RAD51B: variants seen among roughly 807,000 people sequenced by gnomAD.
RAD51B encodes the protein RAD51 paralog B.
In RAD51B, 38 loss-of-function variants were observed where a neutral mutation model predicts 42.2. That is an observed-to-expected ratio of 0.90 (90% CI 0.70 to 1.18). The LOEUF is 1.18. Among genes scored for constraint, RAD51B ranks in the 50% most tolerant of loss-of-function variants. RAD51B has a pLI of 0.00. For missense variants in RAD51B, 373 were observed against 400.7 expected, an observed-to-expected ratio of 0.93 and a Z score of 0.59; for synonymous variants, 154 against 145.2, an observed-to-expected ratio of 1.06 and a Z score of -0.43.
chr14:68,056,181 C>T (rs1021842810), intron 7 of RAD51B, among the ~76,000 whole-genome samples: 1 of 152,076 alleles, frequency 6.6e-6, no homozygotes, highest in Non-Finnish European at 1.5e-5. Context: ...GTTTTTGAGA[C>T]AGGGTCTCGC....
At chr14:68,067,599 A>G (rs1334359799) in intron 7 of RAD51B, among the ~76,000 whole-genome samples, 3 of 152,180 alleles carry the variant, frequency 2.0e-5, no homozygotes, top group Non-Finnish European at 2.9e-5. Flanking sequence ...CAAAGAAGGC[A>G]TGATCCTTGT....
intron 7 of RAD51B, among the ~76,000 whole-genome samples, chr14:68,023,202 CT>C (rs925879600): frequency 6.6e-6 from 1 of 152,196 alleles, no homozygotes; most frequent in African/African-American, 2.4e-5. Context: ...CAATTGACAG[CT>C]CTGTTGCAGG....
chr14:68,150,233 C>T (rs1021384195), intron 7 of RAD51B, among the ~76,000 whole-genome samples: 11 of 152,198 alleles, frequency 7.2e-5, no homozygotes, highest in South Asian at 2.1e-4. Context: ...CATCAGCCAC[C>T]GTGCCCAGCC....
chr14:67,948,692 G>A (rs2074381000), intron 7 of RAD51B, among the ~76,000 whole-genome samples: 1 of 151,962 alleles, frequency 6.6e-6, no homozygotes, highest in South Asian at 2.1e-4. Context: ...AGCACTTTGG[G>A]AGGCTGAGGC....
intron 7 of RAD51B, among the ~76,000 whole-genome samples, chr14:67,948,206 C>G (rs1244226905): frequency 6.6e-6 from 1 of 152,178 alleles, no homozygotes; most frequent in Non-Finnish European, 1.5e-5. Context: ...TTAAGATGGA[C>G]TCTCCTAAGA....
At chr14:68,225,877 C>T (rs933898071) in intron 7 of RAD51B, among the ~76,000 whole-genome samples, 2 of 152,196 alleles carry the variant, frequency 1.3e-5, no homozygotes, top group African/African-American at 4.8e-5. Context: ...TATCTACTAA[C>T]AAGCAAAATT....
At chr14:68,039,671 G>A (rs2140392094) in intron 7 of RAD51B, among the ~76,000 whole-genome samples, 1 of 152,296 alleles carries the variant, frequency 6.6e-6, no homozygotes. Flanking sequence ...AGAATGAGAT[G>A]TTGCTTCAAG....
intron 10 of RAD51B, among the ~76,000 whole-genome samples, chr14:68,473,410 T>C (rs1182185724): frequency 6.6e-6 from 1 of 152,202 alleles, no homozygotes; most frequent in Non-Finnish European, 1.5e-5. Flanking sequence ...CCTCTTAGTG[T>C]GGGACCTCCC....
At chr14:68,634,334 G>C (rs1435382722) in intron 10 of RAD51B, among the ~76,000 whole-genome samples, 1 of 152,126 alleles carries the variant, frequency 6.6e-6, no homozygotes, top group Admixed American at 6.5e-5. Flanking sequence ...CCTCTGCTTA[G>C]AGCATCCATT....
At chr14:68,546,866 T>C (rs896541117) in intron 10 of RAD51B, among the ~76,000 whole-genome samples, 2 of 152,130 alleles carry the variant, frequency 1.3e-5, no homozygotes, top group Admixed American at 6.5e-5. Context: ...GTTCTTACCA[T>C]GTTAATGTTA....
chr14:68,029,563 G>C (rs1466260734), intron 7 of RAD51B, among the ~76,000 whole-genome samples: 1 of 152,122 alleles, frequency 6.6e-6, no homozygotes, highest in Admixed American at 6.5e-5. Flanking sequence ...GTATCTTCAG[G>C]CTCTACTTCT....
intron 7 of RAD51B, among the ~76,000 whole-genome samples, chr14:68,223,464 A>T (rs1267656780): frequency 1.3e-5 from 2 of 152,252 alleles, no homozygotes; most frequent in Non-Finnish European, 2.9e-5. Flanking sequence ...AAGTTCACTG[A>T]GTCCTGTCCA....
chr14:68,422,468 G>A (rs2084728702), intron 9 of RAD51B, among the ~76,000 whole-genome samples: 2 of 151,520 alleles, frequency 1.3e-5, no homozygotes. Flanking sequence ...GGCTGAGGCA[G>A]GGAATTGCTT....
intron 7 of RAD51B, among the ~76,000 whole-genome samples, chr14:68,118,095 A>G (rs2077580745): frequency 6.6e-6 from 1 of 152,248 alleles, no homozygotes; most frequent in Admixed American, 6.5e-5. Flanking sequence ...TTTGCCATCA[A>G]CAAGGATATT....
At chr14:68,223,023 G>C (rs540604040) in intron 7 of RAD51B, among the ~76,000 whole-genome samples, 2 of 152,234 alleles carry the variant, frequency 1.3e-5, no homozygotes, top group African/African-American at 4.8e-5. Context: ...GAATCTCCTA[G>C]ATGTTGTGGG....
At chr14:68,346,861 A>G (rs1184706603) in intron 8 of RAD51B, among the ~76,000 whole-genome samples, 2 of 152,086 alleles carry the variant, frequency 1.3e-5, no homozygotes, top group Non-Finnish European at 2.9e-5. Context: ...AATTTCTCAG[A>G]GTACTTCTTA....
rs1400816036 is a variant in RAD51B, at chr14:67,967,186, G to T, written c.756+79982G>T. On this transcript the variant is annotated intron_variant, in intron 7 of 10. Coordinates refer to ENST00000471583, the MANE Select transcript of RAD51B (RefSeq NM_133510.4). ...TTCACTACCACGAAAACAGTGTGGG[G>T]AATACTGCCCCCATGATTCAAACTA... is the stretch of plus-strand genomic sequence containing the variant. 2.6e-5 allele frequency among the ~76,000 whole-genome samples: 4 copies of T among 152,238 alleles called. No homozygotes were observed. The East Asian group carries it at 7.7e-4, about 29-fold the overall frequency.
At chr14:67,830,890 A>AT (rs113745780) in intron 3 of RAD51B, among the ~76,000 whole-genome samples, 57,009 of 145,364 alleles carry the variant, frequency 0.39, 11,745 homozygotes, top group African/African-American at 0.54. Flanking sequence ...TACTTGTGTA[A>AT]TTTTTTTTTT....
chr14:68,322,457 A>G (rs1236166849), intron 8 of RAD51B, among the ~76,000 whole-genome samples: 3 of 152,156 alleles, frequency 2.0e-5, no homozygotes, highest in Admixed American at 1.3e-4. Flanking sequence ...ATTGACTGTC[A>G]GGATGTATGG....
Sources: gnomAD v4.1 joint callset for allele counts (sites outside exome capture counted in the v4.1 genomes callset) on GRCh38, gnomAD v4.1.1 for gene constraint, MANE v1.5 for transcripts, NCBI Gene and HGNC (gene_info 2026-07-23, HGNC 2026-07-21) for gene names.